THOC5: variants seen among roughly 807,000 people sequenced by gnomAD.
THOC5 encodes the protein Fms-interacting protein.
A neutral mutation model predicts 92.9 loss-of-function variants in THOC5; 43 were observed. That is an observed-to-expected ratio of 0.46 (90% CI 0.36 to 0.60). The LOEUF (loss-of-function observed/expected upper bound fraction) is 0.60. THOC5 is among the 20% of genes least tolerant of loss of function. THOC5 has a pLI of 0.00. For missense variants in THOC5, 659 were observed against 849.4 expected, an observed-to-expected ratio of 0.78 and a Z score of 2.79; for synonymous variants, 296 against 320.1, an observed-to-expected ratio of 0.92 and a Z score of 0.80.
At chr22:29,511,548 G>A (rs1205205018) in intron 18 of THOC5, 1 of 514,030 alleles carries the variant, frequency 1.9e-6, no homozygotes, top group Non-Finnish European at 3.5e-6. Context: ...GAGGTGTGCA[G>A]GGAAGCAGTC....
At chr22:29,542,286 C>T (rs549733356) in intron 5 of THOC5, among the ~76,000 whole-genome samples, 1 of 152,176 alleles carries the variant, frequency 6.6e-6, no homozygotes, top group Non-Finnish European at 1.5e-5. Context: ...ATGTAAAGAC[C>T]CCTGATAGGG....
intron 6 of THOC5, 129 bp from the exon 7 acceptor site, chr22:29,536,867 G>T: frequency 1.5e-6 from 1 of 650,656 alleles, no homozygotes; most frequent in Non-Finnish European, 2.8e-6. Context: ...AGCACTCAAT[G>T]TGTGCCAGGT....
intron 2 of THOC5, among the ~76,000 whole-genome samples, chr22:29,544,882 G>A (rs939935512): frequency 3.9e-5 from 6 of 152,122 alleles, no homozygotes; most frequent in African/African-American, 1.4e-4. Context: ...CTATAATTTC[G>A]CCTCTCAGTC....
In THOC5 at chr22:29,542,636, C is replaced by T. The variant is rs536020894; in HGVS notation, c.452+223G>A. 6.6e-5 allele frequency among the ~76,000 whole-genome samples: 10 copies of T among 152,166 alleles called. No individual in the cohort carries two copies. In the East Asian group the frequency reaches 9.7e-4, roughly 15 times the overall value. ...AAAATTAGCTGGATGTGGAGGTGGG[C>T]GCCTGCAATCCCAGCTACTCAGAAG... is the stretch of plus-strand genomic sequence containing the variant. On this transcript the variant is annotated intron_variant, in intron 5 of 19. Coordinates refer to ENST00000490103, the MANE Select transcript of THOC5 (RefSeq NM_003678.5).
chr22:29,511,553 G>T (rs1490898572), intron 18 of THOC5: 1 of 504,948 alleles, frequency 2.0e-6, no homozygotes. Flanking sequence ...GTGCAGGGAA[G>T]CAGTCTCAAA....
intron 5 of THOC5, among the ~76,000 whole-genome samples, chr22:29,541,447 G>A (rs1405127664): frequency 6.8e-6 from 1 of 148,020 alleles, no homozygotes; most frequent in Non-Finnish European, 1.5e-5. Context: ...AGTCAAGGCT[G>A]CAGTGAGCCA....
intron 11 of THOC5, among the ~76,000 whole-genome samples, 196 bp from the exon 12 acceptor site, chr22:29,526,142 A>G (rs934545623): frequency 1.3e-5 from 2 of 152,186 alleles, no homozygotes; most frequent in Admixed American, 6.5e-5. Context: ...AAATCGGCAC[A>G]TGTATCCCCA....
In THOC5 at chr22:29,508,193, C is replaced by A. The variant is rs1351408286; in HGVS notation, c.*264G>T. 6 of 520,982 alleles carry A rather than the reference C, an allele frequency of 1.2e-5. No individual in the cohort carries two copies. The highest frequency in any genetic ancestry group is 2.1e-5 in the Non-Finnish European group (6 of 291,804). The allele number at this position is 520,982 out of a possible 1,614,324, so 32.3% of individuals were successfully genotyped here. On this transcript the variant is annotated 3_prime_UTR_variant, in exon 20 of 20. Transcript: ENST00000490103. Reference sequence around the variant, plus strand: ...GAGCATCTCTCTGCAGAATTGGAATCTTTTTCCACTCTGCTTTTATTGGCT... The same window carrying A: ...GAGCATCTCTCTGCAGAATTGGAATATTTTTCCACTCTGCTTTTATTGGCT...
chr22:29,551,391 A>G (rs468019), intron 1 of THOC5, among the ~76,000 whole-genome samples: 121,836 of 151,958 alleles, frequency 0.8, 49,139 homozygotes, highest in African/African-American at 0.88. Context: ...CCGAGATCGC[A>G]GCCACTTCAC....
At chr22:29,512,270 T>A in intron 17 of THOC5, 134 bp from the exon 18 acceptor site, 1 of 663,166 alleles carries the variant, frequency 1.5e-6, no homozygotes, top group Non-Finnish European at 2.7e-6. Flanking sequence ...TATATTCTGG[T>A]ACCAACTGTT....
intron 15 of THOC5, among the ~76,000 whole-genome samples, chr22:29,518,048 T>G (rs1477614069): frequency 6.6e-6 from 1 of 152,190 alleles, no homozygotes. Context: ...TTACTTTTTA[T>G]TTTGAGATGG....
At chr22:29,522,402 T>C (rs1300313900) in intron 12 of THOC5, among the ~76,000 whole-genome samples, 2 of 150,070 alleles carry the variant, frequency 1.3e-5, no homozygotes, top group East Asian at 3.9e-4. Context: ...AAAATAAAAC[T>C]TTTCAGTCTT....
At chr22:29,517,868 T>G (rs568978807) in intron 15 of THOC5, among the ~76,000 whole-genome samples, 1 of 152,274 alleles carries the variant, frequency 6.6e-6, no homozygotes, top group African/African-American at 2.4e-5. Flanking sequence ...GTTCCCTACC[T>G]TGGGACAAAA....
rs776195482 is a variant in THOC5 at position 29,536,663 on chromosome 22, G to A, written c.675C>T (p.Tyr225=). The A allele has an allele frequency of 8.1e-6, 13 of 1,613,630 alleles. No homozygotes were observed. The South Asian group carries it at 1.2e-4, about 15-fold the overall frequency. Residue 225 remains tyrosine (Y), a synonymous_variant, in exon 7 of 20, where the codon TAC becomes TAT. Coordinates refer to ENST00000490103, the MANE Select transcript of THOC5 (RefSeq NM_003678.5). Reference sequence around the variant, plus strand: ...TGAGGCGGGGCTGGAGGCTGCTCAGGTACTCCTTCTTCACCTCAATCTCCT... The same window carrying A: ...TGAGGCGGGGCTGGAGGCTGCTCAGATACTCCTTCTTCACCTCAATCTCCT... ...ILKEIEVKKE[Y]LSSLQPRLNS... is the part of the protein sequence containing the mutation.
At chr22:29,526,359 C>T (rs368529997) in intron 11 of THOC5, among the ~76,000 whole-genome samples, 8 of 151,972 alleles carry the variant, frequency 5.3e-5, no homozygotes, top group South Asian at 2.1e-4. Context: ...AGTGAAACCC[C>T]GTCTCTACTA....
chr22:29,513,272 G>A (rs1011296119), intron 17 of THOC5, among the ~76,000 whole-genome samples: 4 of 151,658 alleles, frequency 2.6e-5, no homozygotes, highest in African/African-American at 9.7e-5. Flanking sequence ...CAGGAGAATC[G>A]CTTGAATCCA....
At chr22:29,519,543 G>C (rs1452999119) in intron 14 of THOC5, among the ~76,000 whole-genome samples, 6 of 152,088 alleles carry the variant, frequency 3.9e-5, no homozygotes, top group Non-Finnish European at 8.8e-5. Flanking sequence ...GTAAGTCTAA[G>C]ACATTTTAGT....
At chr22:29,536,575 C>T in intron 7 of THOC5, 49 bp downstream of exon 7, 1 of 1,120,528 alleles carries the variant, frequency 8.9e-7, no homozygotes, top group Non-Finnish European at 1.4e-6. Context: ...TGACTTCTGG[C>T]AGCGCCTGGT....
chr22:29,543,373 GA>G, intron 4 of THOC5, 55 bp downstream of exon 4: 1 of 559,548 alleles, frequency 1.8e-6, no homozygotes, highest in Non-Finnish European at 2.9e-6. Context: ...AAAAAAAAAA[GA>G]AGGGGATGGG....
Sources: gnomAD v4.1 joint callset for allele counts (sites outside exome capture counted in the v4.1 genomes callset) on GRCh38, gnomAD v4.1.1 for gene constraint, MANE v1.5 for transcripts, NCBI Gene and HGNC (gene_info 2026-07-23, HGNC 2026-07-21) for gene names.